Variants in CNTN4 observed in about 807,000 individuals in gnomAD.
CNTN4 encodes the protein contactin-4.
In CNTN4, 77 loss-of-function variants were observed where a neutral mutation model predicts 122.5. The observed-to-expected ratio is 0.63, with a 90% CI of 0.52 to 0.76. The LOEUF (loss-of-function observed/expected upper bound fraction) is 0.76, where lower values mean the gene tolerates loss of function less well. Ranked by LOEUF, CNTN4 falls within the 30% of genes least tolerant of loss-of-function variation. CNTN4 has a pLI of 0.00. For synonymous variants in CNTN4, 512 were observed against 447.0 expected (o/e 1.15, Z -1.83); for missense variants, 1,256 against 1,259.1 (o/e 1.00, Z 0.04).
rs1355833542 is a variant in CNTN4 at position 2,129,673 on chromosome 3, A to T, written c.-145+29034A>T. Among the ~76,000 whole-genome samples, 4 of 151,748 alleles carry T rather than the reference A, an allele frequency of 2.6e-5. No individual in the cohort carries two copies. In the East Asian group the frequency reaches 5.9e-4, roughly 22 times the overall value. The stretch of plus-strand genomic sequence containing the variant: ...CTCTTCACCCTGTTATTAAAGTTAG[A>T]TTGTTTCTAACAATTTTTTTTTGCA... On this transcript the variant is annotated intron_variant, in intron 2 of 24. Transcript: ENST00000418658.
At chr3:2,283,380 T>G (rs1001686814) in intron 2 of CNTN4, among the ~76,000 whole-genome samples, 1 of 152,088 alleles carries the variant, frequency 6.6e-6, no homozygotes, top group Admixed American at 6.6e-5. Context: ...TTAGTATGTA[T>G]TCCAGTTTCC....
intron 4 of CNTN4, among the ~76,000 whole-genome samples, chr3:2,665,955 T>A (rs1024572507): frequency 2.0e-5 from 3 of 152,176 alleles, no homozygotes; most frequent in African/African-American, 7.2e-5. Flanking sequence ...TATCTCTTGG[T>A]AAAGGATATT....
intron 13 of CNTN4, among the ~76,000 whole-genome samples, chr3:2,933,065 G>A (rs575308226): frequency 3.0e-4 from 45 of 151,982 alleles, no homozygotes; most frequent in South Asian, 2.9e-3. Context: ...CTCGTGATCC[G>A]CCCGCCTCGG....
intron 3 of CNTN4, among the ~76,000 whole-genome samples, chr3:2,515,010 C>A (rs2076999893): frequency 6.6e-6 from 1 of 151,926 alleles, no homozygotes. Flanking sequence ...CCCTCTGCCT[C>A]CCTCTCTCTC....
chr3:2,843,311 A>T (rs1179257450), intron 7 of CNTN4, among the ~76,000 whole-genome samples: 2 of 152,130 alleles, frequency 1.3e-5, no homozygotes, highest in Non-Finnish European at 2.9e-5. Context: ...CTGTGCCTTC[A>T]AAACATACCC....
intron 3 of CNTN4, among the ~76,000 whole-genome samples, chr3:2,406,101 A>G (rs986922408): frequency 1.3e-5 from 2 of 152,166 alleles, no homozygotes; most frequent in Non-Finnish European, 2.9e-5. Flanking sequence ...ATACACTGGC[A>G]TGCTAAATCT....
At chr3:2,138,436 A>T (rs998999626) in intron 2 of CNTN4, among the ~76,000 whole-genome samples, 1 of 152,090 alleles carries the variant, frequency 6.6e-6, no homozygotes, top group Non-Finnish European at 1.5e-5. Flanking sequence ...GGCAGCTGAC[A>T]TGGCTAATTT....
At chr3:2,422,792 G>A (rs1183535046) in intron 3 of CNTN4, among the ~76,000 whole-genome samples, 1 of 152,206 alleles carries the variant, frequency 6.6e-6, no homozygotes, top group Non-Finnish European at 1.5e-5. Flanking sequence ...CCTGAGTGTG[G>A]CATGGTTTCA....
chr3:2,173,658 C>T (rs146855439), intron 2 of CNTN4, among the ~76,000 whole-genome samples: 7 of 151,820 alleles, frequency 4.6e-5, no homozygotes, highest in Non-Finnish European at 1.0e-4. Flanking sequence ...TTCGGATGTT[C>T]GAAGGTCAAC....
chr3:2,312,055 G>T (rs1357749495), intron 2 of CNTN4, among the ~76,000 whole-genome samples: 1 of 151,784 alleles, frequency 6.6e-6, no homozygotes. Context: ...TTTTTTTTAA[G>T]ATAAAAATGG....
intron 4 of CNTN4, among the ~76,000 whole-genome samples, chr3:2,573,195 C>T (rs11718703): frequency 0.14 from 21,616 of 152,180 alleles, 1,747 homozygotes; most frequent in Non-Finnish European, 0.18. Context: ...AAATTTAGTT[C>T]TGAGATTTTT....
intron 3 of CNTN4, among the ~76,000 whole-genome samples, chr3:2,542,556 T>C (rs139431379): frequency 4.6e-5 from 7 of 152,248 alleles, no homozygotes; most frequent in South Asian, 2.1e-4. Context: ...ACCGCTGATA[T>C]AGTACAAATT....
intron 2 of CNTN4, among the ~76,000 whole-genome samples, chr3:2,287,388 G>A (rs1456878933): frequency 6.6e-6 from 1 of 151,890 alleles, no homozygotes; most frequent in Non-Finnish European, 1.5e-5. Flanking sequence ...GAATGCTTGA[G>A]CTCAGAAGTT....
At chr3:2,458,956 G>A (rs951980169) in intron 3 of CNTN4, among the ~76,000 whole-genome samples, 1 of 152,090 alleles carries the variant, frequency 6.6e-6, no homozygotes, top group East Asian at 1.9e-4. Context: ...TTTCCGCCTA[G>A]CATGCTTTGC....
At chr3:2,277,949 G>C (rs980323809) in intron 2 of CNTN4, among the ~76,000 whole-genome samples, 1 of 150,988 alleles carries the variant, frequency 6.6e-6, no homozygotes, top group African/African-American at 2.4e-5. Context: ...TTTTTTTTTC[G>C]CAGAAAATTG....
intron 4 of CNTN4, among the ~76,000 whole-genome samples, chr3:2,639,896 G>C (rs1256537017): frequency 6.6e-6 from 1 of 152,118 alleles, no homozygotes; most frequent in Admixed American, 6.6e-5. Context: ...ATAGCTTAAG[G>C]AACAACTAAG....
intron 3 of CNTN4, among the ~76,000 whole-genome samples, chr3:2,360,752 C>T (rs150967428): frequency 3.9e-5 from 6 of 152,138 alleles, no homozygotes; most frequent in African/African-American, 7.2e-5. Context: ...TCTCACTATC[C>T]GGAGAACAGC....
intron 3 of CNTN4, among the ~76,000 whole-genome samples, chr3:2,394,903 C>T (rs1410030431): frequency 3.3e-5 from 5 of 150,790 alleles, no homozygotes; most frequent in Non-Finnish European, 1.5e-5. Flanking sequence ...TCTCCTGCCT[C>T]AGCCTCCCAA....
At chr3:2,100,253 C>G (rs2031801684) in intron 1 of CNTN4, among the ~76,000 whole-genome samples, 1 of 152,094 alleles carries the variant, frequency 6.6e-6, no homozygotes. Context: ...AACATAGGGG[C>G]GGGCACATGT....
Sources: gnomAD v4.1 joint callset for allele counts (sites outside exome capture counted in the v4.1 genomes callset) on GRCh38, gnomAD v4.1.1 for gene constraint, MANE v1.5 for transcripts, NCBI Gene and HGNC (gene_info 2026-07-23, HGNC 2026-07-21) for gene names.